Variants in C14orf39 observed in about 807,000 individuals in gnomAD.
C14orf39 encodes chromosome 14 open reading frame 39, also known as protein SIX6OS1.
Under a neutral mutation model 85.6 loss-of-function variants are expected in C14orf39, and 66 were observed. That is an observed-to-expected ratio of 0.77 (90% CI 0.63 to 0.95). The LOEUF (loss-of-function observed/expected upper bound fraction) is 0.95. Among genes scored for constraint, C14orf39 ranks in the 40% least tolerant of loss-of-function variants. The pLI, the probability that C14orf39 is intolerant of heterozygous loss-of-function variation, is 0.00. For synonymous variants in C14orf39, 242 were observed against 214.0 expected, an observed-to-expected ratio of 1.13 and a Z score of -1.14; for missense variants, 735 against 663.9, an observed-to-expected ratio of 1.11 and a Z score of -1.18.
intron 4 of C14orf39, among the ~76,000 whole-genome samples, chr14:60,482,097 T>C (rs756734380): frequency 2.0e-4 from 30 of 152,186 alleles, no homozygotes; most frequent in Non-Finnish European, 3.7e-4. Flanking sequence ...AACCATAAAC[T>C]AGAGGTATTC....
At chr14:60,504,804 T>C (rs1371632300) in intron 1 of C14orf39, among the ~76,000 whole-genome samples, 1 of 152,236 alleles carries the variant, frequency 6.6e-6, no homozygotes, top group Non-Finnish European at 1.5e-5. Flanking sequence ...ATCTACTCTT[T>C]GGCTTAGATA....
chr14:60,497,800 T>C (rs1168438912), intron 2 of C14orf39, among the ~76,000 whole-genome samples: 1 of 151,748 alleles, frequency 6.6e-6, no homozygotes, highest in Non-Finnish European at 1.5e-5. Context: ...GAGAATCGAT[T>C]GAACCTAAGA....
intron 16 of C14orf39, among the ~76,000 whole-genome samples, chr14:60,442,922 T>G (rs1890589492): frequency 6.6e-6 from 1 of 152,226 alleles, no homozygotes; most frequent in Non-Finnish European, 1.5e-5. Context: ...TTTTCCTTAT[T>G]GGTACATATA....
rs1348690133 is a variant in C14orf39 at position 60,466,107 on chromosome 14, T to C, written c.896-52A>G. The C allele has an allele frequency of 3.6e-6, 3 of 827,262 alleles. No individual in the cohort carries two copies. In the East Asian group the frequency reaches 9.0e-5, roughly 25 times the overall value. The allele number at this position is 827,262 out of a possible 1,614,324, so 51.2% of individuals were successfully genotyped here. A position where few individuals can be genotyped will look rare whatever the true frequency, so the allele number is the denominator to read the frequency against. ...AATCAATGCTGGAAACAGAATCAAG[T>C]ATCTTCCCCAATGTTTAACCTAAAC... On this transcript the variant is annotated intron_variant, in intron 10 of 17. Transcript: ENST00000321731.
intron 1 of C14orf39, chr14:60,509,830 C>A (rs757769585): frequency 1.2e-6 from 2 of 1,613,870 alleles, no homozygotes; most frequent in East Asian, 2.2e-5. Flanking sequence ...ACCTGCTACG[C>A]GAGTGGTACC....
intron 2 of C14orf39, among the ~76,000 whole-genome samples, chr14:60,493,552 G>C (rs1233947950): frequency 6.6e-6 from 1 of 152,092 alleles, no homozygotes; most frequent in Non-Finnish European, 1.5e-5. Context: ...TGTCAAAAGA[G>C]GCAAAGCTAC....
chr14:60,507,469 C>T (rs2140185974), intron 1 of C14orf39, among the ~76,000 whole-genome samples: 1 of 152,318 alleles, frequency 6.6e-6, no homozygotes, highest in African/African-American at 2.4e-5. Flanking sequence ...TTTGCCCCTG[C>T]CTTGTCGTAT....
At chr14:60,473,718 T>C (rs918729940) in intron 5 of C14orf39, among the ~76,000 whole-genome samples, 2 of 152,194 alleles carry the variant, frequency 1.3e-5, no homozygotes, top group Non-Finnish European at 2.9e-5. Context: ...GTTGTAGATA[T>C]GCGGCATTAT....
At chr14:60,509,249 C>T in intron 1 of C14orf39, 1 of 698,166 alleles carries the variant, frequency 1.4e-6, no homozygotes, top group Non-Finnish European at 2.5e-6. Context: ...CCGCTCCCGG[C>T]CGTTGAGCCA....
At chr14:60,445,216 T>C (rs1306384561) in intron 16 of C14orf39, among the ~76,000 whole-genome samples, 1 of 152,086 alleles carries the variant, frequency 6.6e-6, no homozygotes, top group Non-Finnish European at 1.5e-5. Flanking sequence ...AACATAACAA[T>C]ATTAACCTTA....
At chr14:60,483,609 T>C in intron 4 of C14orf39, 82 bp downstream of exon 4, 2 of 1,233,976 alleles carry the variant, frequency 1.6e-6, no homozygotes, top group South Asian at 1.5e-5. Context: ...AGAATACTAC[T>C]TTGAAGGAAG....
intron 9 of C14orf39, among the ~76,000 whole-genome samples, chr14:60,467,938 T>A (rs1252232093): frequency 2.0e-5 from 3 of 151,410 alleles, no homozygotes; most frequent in Admixed American, 6.6e-5. Context: ...AAAGTCCATC[T>A]ATTTTTTTTT....
At chr14:60,502,074 T>C (rs1893156214) in intron 1 of C14orf39, among the ~76,000 whole-genome samples, 1 of 152,202 alleles carries the variant, frequency 6.6e-6, no homozygotes, top group Non-Finnish European at 1.5e-5. Context: ...CTCTACTGCT[T>C]TATCTGCTTC....
chr14:60,470,170 A>T (rs1183038875), intron 7 of C14orf39, among the ~76,000 whole-genome samples: 1 of 151,836 alleles, frequency 6.6e-6, no homozygotes, highest in African/African-American at 2.4e-5. Flanking sequence ...AGAACTCAAA[A>T]GACAGGCAGA....
At chr14:60,464,348 C>A (rs914821522) in intron 11 of C14orf39, among the ~76,000 whole-genome samples, 3 of 152,054 alleles carry the variant, frequency 2.0e-5, no homozygotes, top group Non-Finnish European at 4.4e-5. Context: ...GAAAAACAAA[C>A]GTTTATCTTG....
chr14:60,449,470 C>A (rs1306929272), intron 16 of C14orf39, among the ~76,000 whole-genome samples: 1 of 152,094 alleles, frequency 6.6e-6, no homozygotes, highest in Non-Finnish European at 1.5e-5. Context: ...TAGCCCATAC[C>A]ATTGATCAAT....
intron 4 of C14orf39, among the ~76,000 whole-genome samples, chr14:60,481,228 A>T (rs1892625356): frequency 6.6e-6 from 1 of 152,212 alleles, no homozygotes; most frequent in East Asian, 1.9e-4. Context: ...ATTATTTTTC[A>T]ATTAAAAATA....
chr14:60,507,119 C>T (rs1482885735), intron 1 of C14orf39, among the ~76,000 whole-genome samples: 2 of 152,188 alleles, frequency 1.3e-5, no homozygotes, highest in East Asian at 1.9e-4. Context: ...GACCCCACCG[C>T]CTCTTCTGCG....
upstream of C14orf39, among the ~76,000 whole-genome samples, chr14:60,488,875 A>T (rs539465894): frequency 1.3e-5 from 2 of 151,200 alleles, no homozygotes; most frequent in African/African-American, 4.9e-5. Flanking sequence ...TTCCATTTAA[A>T]CTCTCTGCAA....
Sources: gnomAD v4.1 joint callset for allele counts (sites outside exome capture counted in the v4.1 genomes callset) on GRCh38, gnomAD v4.1.1 for gene constraint, MANE v1.5 for transcripts, NCBI Gene and HGNC (gene_info 2026-07-23, HGNC 2026-07-21) for gene names.